FBXO41: variants seen among roughly 807,000 people sequenced by gnomAD.
The protein encoded by FBXO41 is F-box only protein 41.
A neutral mutation model predicts 81.6 loss-of-function variants in FBXO41; 33 were observed. The ratio of observed to expected loss-of-function variants is 0.40; its 90% confidence interval spans 0.31 to 0.54. FBXO41 has a LOEUF of 0.54. Ranked by LOEUF, FBXO41 falls within the 20% of genes least tolerant of loss-of-function variation. FBXO41 has a pLI of 0.39. For synonymous variants in FBXO41, 576 were observed against 552.7 expected (o/e 1.04, Z -0.59); for missense variants, 1,107 against 1,236.0 (o/e 0.90, Z 1.56).
chr2:73,271,124 C>T, intron 1 of FBXO41: 1 of 360,936 alleles, frequency 2.8e-6, no homozygotes, highest in Non-Finnish European at 5.5e-6. Context: ...TTCCCTCACA[C>T]AGGTTTACTT....
intron 9 of FBXO41, among the ~76,000 whole-genome samples, 200 bp downstream of exon 9, chr2:73,263,013 G>C (rs955503149): frequency 1.3e-5 from 2 of 152,214 alleles, no homozygotes; most frequent in Non-Finnish European, 2.9e-5. Context: ...TCAAAGTGCT[G>C]GGATTACAGG....
At chr2:73,261,098 C>G (rs1335396316) in intron 9 of FBXO41, among the ~76,000 whole-genome samples, 2 of 151,880 alleles carry the variant, frequency 1.3e-5, no homozygotes, top group Non-Finnish European at 2.9e-5. Flanking sequence ...AATCTGTCAC[C>G]CAGGCTGGAG....
At position 73,264,677 on chromosome 2, in the gene FBXO41, C is replaced by G. The variant is rs527600486; in HGVS notation, c.1565-158G>C. ...GAAAAGGGGCCTCTGCCTCCCTGTC[C>G]TTTGCGGTACCCCATCTCCAGTTTT... is the stretch of plus-strand genomic sequence containing the variant. On this transcript the variant is annotated intron_variant, in intron 5 of 12. Coordinates refer to ENST00000520530, the MANE Select transcript of FBXO41 (RefSeq NM_001371389.2). Among the ~76,000 whole-genome samples the G allele has an allele frequency of 2.1e-3, 322 of 152,248 alleles. 2 individuals are homozygous for G. Among genetic ancestry groups the G allele is most frequent in the African/African-American group, 7.5e-3 (311 of 41,526 alleles).
chr2:73,264,270 G>C lies in FBXO41; in HGVS notation c.1806+8C>G. 1.2e-6 allele frequency: 2 copies of C among 1,613,312 alleles called. No homozygotes were observed. The highest frequency in any genetic ancestry group is 1.7e-6 in the Non-Finnish European group (2 of 1,179,808). The stretch of plus-strand genomic sequence containing the variant: ...AGCAGGGCACAGAAGGCAGGCAGGG[G>C]CAGGTACCTTGGAGCAGACACGGGC... On this transcript the variant is annotated splice_region_variant and intron_variant, in intron 6 of 12. Coordinates refer to ENST00000520530, the MANE Select transcript of FBXO41 (RefSeq NM_001371389.2).
At chr2:73,264,127 G>A (rs899885407) in intron 6 of FBXO41, 74 bp from the exon 7 acceptor site, 4 of 1,551,576 alleles carry the variant, frequency 2.6e-6, no homozygotes, top group Non-Finnish European at 3.5e-6. Context: ...CCAGCCCCAG[G>A]ATAGAAGGCC....
intron 9 of FBXO41, among the ~76,000 whole-genome samples, chr2:73,261,241 T>A (rs1688012614): frequency 1.3e-5 from 2 of 152,218 alleles, no homozygotes; most frequent in South Asian, 4.1e-4. Context: ...GTACTTTTAG[T>A]AGAGACAGGA....
In FBXO41 at chr2:73,264,071, G is replaced by C. The variant is rs767553157; in HGVS notation, c.1807-18C>G. ...GCCAGGAACTGTGGGGGAGGGGAAG[G>C]ACATTTGGAGATGAAGGGGTCTGAA... On this transcript the variant is annotated intron_variant, in intron 6 of 12. Transcript: ENST00000520530. The C allele has an allele frequency of 5.1e-6, 8 of 1,572,016 alleles. No homozygotes were observed. In the South Asian group the frequency reaches 9.3e-5, roughly 18 times the overall value.
chr2:73,265,618 C>A lies in FBXO41; in HGVS notation c.1228G>T (p.Ala410Ser). Residue 410 changes from alanine (A) to serine (S), a missense_variant, in exon 5 of 13, where the codon GCA (alanine) becomes TCA (serine). Ala to Ser is a moderately conservative substitution (Grantham distance 99). This residue lies in a region of FBXO41 where 771 missense variants were observed against 789.2 expected (regional missense o/e 0.98). Coordinates refer to ENST00000520530, the MANE Select transcript of FBXO41 (RefSeq NM_001371389.2). The part of the protein sequence containing the change: ...STGASSRVPA[A>S]SQSSGCYDSD... Reference sequence around the variant, plus strand: ...TCATAGCAGCCTGAGCTCTGGGATGCGGCTGGCACACGGCTGGAGGCCCTG... The same window carrying A: ...TCATAGCAGCCTGAGCTCTGGGATGAGGCTGGCACACGGCTGGAGGCCCTG... 2 of 1,519,166 alleles carry A rather than the reference C, an allele frequency of 1.3e-6. No homozygotes were observed. Among genetic ancestry groups the A allele is most frequent in the Non-Finnish European group, 1.8e-6 (2 of 1,134,738 alleles). 94.1% of individuals were successfully genotyped at this position (1,519,166 alleles called of 1,614,324 possible). A position where few individuals can be genotyped will look rare whatever the true frequency, so the allele number is the denominator to read the frequency against.
In FBXO41 at chr2:73,265,926, G is replaced by A. The variant is rs1688251619; in HGVS notation, c.1172C>T (p.Ala391Val). The A allele has an allele frequency of 1.3e-6, 2 of 1,587,976 alleles. No individual in the cohort carries two copies. The highest frequency in any genetic ancestry group is 1.7e-6 in the Non-Finnish European group (2 of 1,167,020). The stretch of plus-strand genomic sequence containing the variant: ...CGGAGAGGAGCCATGCCGTGACACT[G>A]CATATGTGTTAGGCACGGCCGGGCC... ...HVGPAVPNTY[A>V]VSRHGSSPST... Residue 391 changes from alanine to valine, a missense_variant, in exon 4 of 13, where the codon GCA (alanine) becomes GTA (valine). By Grantham distance (64) the Ala-to-Val change is moderately conservative. This residue lies in a region of FBXO41 where 771 missense variants were observed against 789.2 expected (regional missense o/e 0.98). Coordinates refer to ENST00000520530, the MANE Select transcript of FBXO41 (RefSeq NM_001371389.2).
intron 5 of FBXO41, among the ~76,000 whole-genome samples, chr2:73,264,753 T>A (rs1204873109): frequency 2.6e-5 from 4 of 152,092 alleles, no homozygotes; most frequent in South Asian, 2.1e-4. Flanking sequence ...TAAGGTTATA[T>A]ATCATTCAAA....
Position 73,257,185 on chromosome 2 carries a change from TG to T in FBXO41, c.*1796del, listed in dbSNP as rs1687846766. On this transcript the variant is annotated 3_prime_UTR_variant, in exon 13 of 13. Transcript: ENST00000520530. This position sits in a 1 kb window ranked among gnomAD's most constrained non-coding sequence, Gnocchi z 4.6. ...GAGAAGCCAATGGAGCCAGCTGCTC[TG>T]GGGTAGGAGGCAAGGGGTGCCACAC... The T allele has an allele frequency of 1.3e-5, 2 of 153,068 alleles. No individual in the cohort carries two copies. The highest frequency in any genetic ancestry group is 3.1e-3 in the Middle Eastern group (1 of 324). 9.5% of individuals were successfully genotyped at this position (153,068 alleles called of 1,614,324 possible).
intron 1 of FBXO41, among the ~76,000 whole-genome samples, chr2:73,282,059 A>G (rs546418622): frequency 6.3e-4 from 96 of 152,272 alleles, no homozygotes; most frequent in African/African-American, 2.1e-3. Context: ...CAGTGGCATG[A>G]TCTTGGCTCA....
chr2:73,282,844 G>C (rs1369939799), intron 1 of FBXO41, among the ~76,000 whole-genome samples: 9 of 152,194 alleles, frequency 5.9e-5, no homozygotes, highest in Non-Finnish European at 1.2e-4. Flanking sequence ...GCAAAATTGA[G>C]AAGGTAATAG....
chr2:73,265,829 C>T, intron 4 of FBXO41, 64 bp downstream of exon 4: 2 of 1,523,460 alleles, frequency 1.3e-6, no homozygotes, highest in African/African-American at 2.7e-5. Flanking sequence ...AAGCCCCAGA[C>T]AGGCCAGCGG....
intron 1 of FBXO41, chr2:73,270,991 T>C (rs1688474319): frequency 5.7e-6 from 3 of 522,014 alleles, no homozygotes; most frequent in Non-Finnish European, 1.2e-5. Context: ...TGAGCTTTCC[T>C]GTCTGGATTT....
In FBXO41 at chr2:73,258,808, C is replaced by T; in HGVS notation, c.*174G>A. ...GTACTGGGGAGGCAGTGCCCTGGGT[C>T]AGGCCTGTTGCTCTGCTGCTCCAGG... is the stretch of plus-strand genomic sequence containing the variant. On this transcript the variant is annotated 3_prime_UTR_variant, in exon 13 of 13. Transcript: ENST00000520530. 1.4e-6 allele frequency: 1 copy of T among 711,506 alleles called. No homozygotes were observed. The highest frequency in any genetic ancestry group is 1.8e-5 in the African/African-American group (1 of 56,048). 44.1% of individuals were successfully genotyped at this position (711,506 alleles called of 1,614,324 possible).
chr2:73,261,003 T>G (rs1028191649), intron 9 of FBXO41, 145 bp from the exon 10 acceptor site: 2 of 628,590 alleles, frequency 3.2e-6, no homozygotes, highest in Middle Eastern at 3.9e-4. Context: ...GGATCATCCC[T>G]GACTCCTCTG....
At chr2:73,282,694 GCCTGTCTAAAACAAACAAATATT>G (rs1340176997) in intron 1 of FBXO41, among the ~76,000 whole-genome samples, 1 of 152,160 alleles carries the variant, frequency 6.6e-6, no homozygotes, top group Non-Finnish European at 1.5e-5. Flanking sequence ...CAGAGCAAGA[GCCTGTCTAAAACAAACAAATATT>G]CCAAAACAAA....
chr2:73,268,145 A>C (rs1262239683), intron 2 of FBXO41, among the ~76,000 whole-genome samples: 1 of 152,212 alleles, frequency 6.6e-6, no homozygotes, highest in Non-Finnish European at 1.5e-5. Flanking sequence ...AAGTAAGACG[A>C]TGGCTAGGCC....
Sources: gnomAD v4.1 joint callset for allele counts (sites outside exome capture counted in the v4.1 genomes callset) on GRCh38, gnomAD v4.1.1 for gene constraint, gnomAD v4.1.1 regional missense constraint, Gnocchi (gnomAD v3.1) non-coding constraint, MANE v1.5 for transcripts, NCBI Gene and HGNC (gene_info 2026-07-23, HGNC 2026-07-21) for gene names.